The following COL24A1 variants were observed in gnomAD, a reference collection of about 807,000 sequenced individuals.
COL24A1 encodes collagen alpha-1(XXIV) chain.
Under a neutral mutation model 253.9 loss-of-function variants are expected in COL24A1, and 224 were observed. The ratio of observed to expected loss-of-function variants is 0.88; its 90% CI spans 0.79 to 0.99. The LOEUF is 0.99. Ranked by LOEUF, COL24A1 falls within the 50% of genes least tolerant of loss-of-function variation. The pLI, the probability that COL24A1 is intolerant of heterozygous loss-of-function variation, is 0.00. For synonymous variants in COL24A1, 685 were observed against 673.7 expected (o/e 1.02, Z -0.26); for missense variants, 2,131 against 2,068.5 (o/e 1.03, Z -0.59).
intron 47 of COL24A1, among the ~76,000 whole-genome samples, chr1:85,803,864 A>T (rs1671688410): frequency 6.6e-6 from 1 of 152,182 alleles, no homozygotes; most frequent in Admixed American, 6.5e-5. Context: ...CTAGAACCTC[A>T]TTGAATTGGC....
intron 47 of COL24A1, among the ~76,000 whole-genome samples, chr1:85,812,964 G>T (rs1283741187): frequency 6.6e-6 from 1 of 152,192 alleles, no homozygotes; most frequent in Non-Finnish European, 1.5e-5. Flanking sequence ...TATAATAGCT[G>T]CAATTGTTCT....
At chr1:85,901,824 CAAA>C (rs55862441) in intron 28 of COL24A1, among the ~76,000 whole-genome samples, 17 of 57,788 alleles carry the variant, frequency 2.9e-4, no homozygotes, top group Non-Finnish European at 4.4e-4. Flanking sequence ...GACTCCGTCT[CAAA>C]AAAAAAAAAA....
intron 5 of COL24A1, among the ~76,000 whole-genome samples, chr1:86,109,709 C>T (rs1283776177): frequency 6.6e-6 from 1 of 152,190 alleles, no homozygotes; most frequent in East Asian, 1.9e-4. Flanking sequence ...AACCAAGATC[C>T]TAATCCTTAT....
chr1:85,742,595 T>C (rs1664769685), intron 57 of COL24A1, among the ~76,000 whole-genome samples: 2 of 152,206 alleles, frequency 1.3e-5, no homozygotes, highest in Admixed American at 1.3e-4. Context: ...CATTCTTACT[T>C]GAATGTCTAA....
intron 2 of COL24A1, among the ~76,000 whole-genome samples, chr1:86,138,277 G>A (rs1161859172): frequency 6.6e-6 from 1 of 152,114 alleles, no homozygotes; most frequent in East Asian, 1.9e-4. Flanking sequence ...GGTAAGTTCT[G>A]TGAGTCCTTC....
In COL24A1 at chr1:85,987,652, A is replaced by T; in HGVS notation, c.2313T>A (p.Gly771=). The T allele has an allele frequency of 6.2e-7, 1 of 1,607,520 alleles. No homozygotes were observed. The highest frequency in any genetic ancestry group is 8.5e-7 in the Non-Finnish European group (1 of 1,176,894). ...QGPSGPPGPE[G]FPGDIGIPGQ... ...CAGGAATCCCAATATCTCCTGGAAA[A>T]CCCTAGGGAATATAAAAATGTAGCG... Residue 771 remains glycine (G), a splice_region_variant and synonymous_variant, in exon 20 of 60, where the codon GGT becomes GGA. Coordinates refer to ENST00000370571, the MANE Select transcript of COL24A1 (RefSeq NM_152890.7).
At chr1:85,872,252 C>T (rs2102560916) in intron 35 of COL24A1, among the ~76,000 whole-genome samples, 1 of 152,178 alleles carries the variant, frequency 6.6e-6, no homozygotes, top group East Asian at 1.9e-4. Context: ...TCAATATTGT[C>T]AAAATGGCCA....
chr1:85,876,511 G>A (rs1373351446), intron 33 of COL24A1, among the ~76,000 whole-genome samples: 3 of 151,916 alleles, frequency 2.0e-5, no homozygotes, highest in Non-Finnish European at 4.4e-5. Context: ...TGAGGAGAGA[G>A]GTATAAAATA....
chr1:85,945,019 T>TTTTTTTTTTTTTTTTTG (rs1689182543), intron 24 of COL24A1, among the ~76,000 whole-genome samples: 5 of 73,390 alleles, frequency 6.8e-5, no homozygotes, highest in East Asian at 6.0e-4. Context: ...TTTTTTTTTT[T>TTTTTTTTTTTTTTTTTG]TTTTTTTTTT....
chr1:85,756,512 A>G (rs1321161457), intron 55 of COL24A1, among the ~76,000 whole-genome samples: 1 of 152,204 alleles, frequency 6.6e-6, no homozygotes, highest in Non-Finnish European at 1.5e-5. Context: ...ACAATGAGAT[A>G]CCGCTTCATA....
chr1:86,095,654 T>C lies in COL24A1; in HGVS notation c.1600-3334A>G, dbSNP rs142548680. 7.7e-3 allele frequency among the ~76,000 whole-genome samples: 1,172 copies of C among 152,224 alleles called. 7 individuals carry two copies. The highest frequency in any genetic ancestry group is 0.013 in the Non-Finnish European group (907 of 67,950). ...CTTTTCATCTTACTTGATTAGTTTTTCAAATCCCCTTTGGAATTATATAAA... is the reference window on the plus strand; with the variant it reads ...CTTTTCATCTTACTTGATTAGTTTTCCAAATCCCCTTTGGAATTATATAAA... On this transcript the variant is annotated intron_variant, in intron 5 of 59. Transcript: ENST00000370571.
intron 2 of COL24A1, among the ~76,000 whole-genome samples, chr1:86,132,825 C>T (rs984530841): frequency 1.3e-5 from 2 of 151,722 alleles, no homozygotes; most frequent in African/African-American, 4.8e-5. Context: ...GTTCTTTTGG[C>T]TTAGGATGGA....
chr1:85,882,480 A>T (rs903379610), intron 32 of COL24A1, among the ~76,000 whole-genome samples: 223 of 152,244 alleles, frequency 1.5e-3, no homozygotes, highest in South Asian at 7.0e-3. Flanking sequence ...CAAAAAACAA[A>T]AAACAAAAAA....
At chr1:86,067,234 G>A (rs1701564340) in intron 7 of COL24A1, among the ~76,000 whole-genome samples, 1 of 152,108 alleles carries the variant, frequency 6.6e-6, no homozygotes, top group South Asian at 2.1e-4. Flanking sequence ...GGCTCCCACG[G>A]GGCACTTCTT....
chr1:86,148,798 C>T (rs953422446), intron 1 of COL24A1, among the ~76,000 whole-genome samples: 2 of 152,052 alleles, frequency 1.3e-5, no homozygotes, highest in Admixed American at 6.5e-5. Flanking sequence ...TGAATAACGC[C>T]GCAATAAACA....
At chr1:85,777,286 T>C (rs1668641827) in intron 52 of COL24A1, among the ~76,000 whole-genome samples, 1 of 152,036 alleles carries the variant, frequency 6.6e-6, no homozygotes, top group Non-Finnish European at 1.5e-5. Flanking sequence ...TTTAAAAAAA[T>C]ATATACACCC....
At chr1:86,082,903 G>T (rs1030265531) in intron 7 of COL24A1, among the ~76,000 whole-genome samples, 1 of 151,748 alleles carries the variant, frequency 6.6e-6, no homozygotes, top group African/African-American at 2.4e-5. Context: ...CTCCCAGTGA[G>T]CATTTCCTTT....
intron 7 of COL24A1, among the ~76,000 whole-genome samples, chr1:86,066,376 C>T (rs1701488825): frequency 1.3e-5 from 2 of 151,270 alleles, no homozygotes; most frequent in South Asian, 4.2e-4. Context: ...GTAGCTGGGA[C>T]TTCAGGCGCC....
chr1:85,981,513 T>C (rs1251182726), intron 20 of COL24A1, among the ~76,000 whole-genome samples: 1 of 152,050 alleles, frequency 6.6e-6, no homozygotes, highest in Non-Finnish European at 1.5e-5. Flanking sequence ...GATCAAAGAC[T>C]TGAACCTAAG....
Sources: gnomAD v4.1 joint callset for allele counts (sites outside exome capture counted in the v4.1 genomes callset) on GRCh38, gnomAD v4.1.1 for gene constraint, MANE v1.5 for transcripts, NCBI Gene and HGNC (gene_info 2026-07-23, HGNC 2026-07-21) for gene names.